The following FBN2 variants were observed in gnomAD, a reference collection of about 807,000 sequenced individuals.
FBN2 encodes the protein fibrillin 2.
A neutral mutation model predicts 355.6 loss-of-function variants in FBN2; 105 were observed. That is an observed-to-expected ratio of 0.30 (90% CI 0.25 to 0.35). FBN2 has a LOEUF of 0.35. Among genes scored for constraint, FBN2 ranks in the 10% least tolerant of loss-of-function variants. The pLI, the probability that FBN2 is intolerant of heterozygous loss-of-function variation, is 1.00. For missense variants in FBN2, 3,280 were observed against 3,758.7 expected (o/e 0.87, Z 3.33); for synonymous variants, 1,350 against 1,301.2 (o/e 1.04, Z -0.81).
chr5:128,381,665 C>T (rs1001985283), intron 11 of FBN2, among the ~76,000 whole-genome samples: 1 of 152,082 alleles, frequency 6.6e-6, no homozygotes, highest in Non-Finnish European at 1.5e-5. Flanking sequence ...CTATGAATTA[C>T]AGTAGTCAGA....
At chr5:128,417,128 T>A (rs1426548590) in intron 7 of FBN2, among the ~76,000 whole-genome samples, 1 of 152,148 alleles carries the variant, frequency 6.6e-6, no homozygotes, top group African/African-American at 2.4e-5. Flanking sequence ...GTAAATAGAA[T>A]TGCCTTTTGA....
intron 6 of FBN2, among the ~76,000 whole-genome samples, chr5:128,447,752 T>C (rs1225383044): frequency 6.6e-6 from 1 of 152,208 alleles, no homozygotes; most frequent in Non-Finnish European, 1.5e-5. Flanking sequence ...GTTTTGCGGC[T>C]TGTGGGGCAT....
chr5:128,366,554 A>C, intron 16 of FBN2, 124 bp from the exon 17 acceptor site: 2 of 555,400 alleles, frequency 3.6e-6, no homozygotes, highest in Non-Finnish European at 6.5e-6. Flanking sequence ...TTAAAGTGAA[A>C]AAAATTACCA....
rs148917019 is a variant in FBN2, at chr5:128,483,379, C to T, written c.629-18458G>A. Among the ~76,000 whole-genome samples, 265 of 152,238 alleles carry T rather than the reference C, an allele frequency of 1.7e-3. 2 individuals are homozygous for T. Among genetic ancestry groups the T allele is most frequent in the East Asian group, 0.015 (78 of 5,176 alleles). Reference sequence around the variant, plus strand: ...TGAACAAGGAATTAGATGGGCCACACTGATTTAGGGTTGATATGAATAAAA... The same window carrying T: ...TGAACAAGGAATTAGATGGGCCACATTGATTTAGGGTTGATATGAATAAAA... On this transcript the variant is annotated intron_variant, in intron 5 of 64. Transcript: ENST00000262464.
intron 5 of FBN2, among the ~76,000 whole-genome samples, chr5:128,478,726 C>T (rs1223966633): frequency 1.3e-5 from 2 of 152,118 alleles, no homozygotes; most frequent in South Asian, 2.1e-4. Context: ...ATCAGTTCTA[C>T]AGAACACTAG....
chr5:128,448,596 G>A (rs1405412142), intron 6 of FBN2, among the ~76,000 whole-genome samples: 2 of 152,088 alleles, frequency 1.3e-5, no homozygotes, highest in African/African-American at 2.4e-5. Flanking sequence ...CATGAGCCAT[G>A]AGCCACCGTG....
intron 5 of FBN2, among the ~76,000 whole-genome samples, chr5:128,466,875 T>C (rs1754727712): frequency 6.6e-6 from 1 of 152,220 alleles, no homozygotes; most frequent in Non-Finnish European, 1.5e-5. Context: ...TTTTAAAATC[T>C]ATCCTATTGT....
chr5:128,427,391 A>G (rs935889993), intron 7 of FBN2, among the ~76,000 whole-genome samples: 5 of 152,090 alleles, frequency 3.3e-5, no homozygotes, highest in African/African-American at 1.2e-4. Flanking sequence ...TTACCATTAT[A>G]TCCCTGAGTT....
chr5:128,343,591 C>T (rs1751088387), intron 25 of FBN2, among the ~76,000 whole-genome samples: 1 of 152,160 alleles, frequency 6.6e-6, no homozygotes, highest in Non-Finnish European at 1.5e-5. Flanking sequence ...TCTGGAACAA[C>T]ATGGTATACT....
intron 5 of FBN2, among the ~76,000 whole-genome samples, chr5:128,499,188 G>T (rs1242733727): frequency 6.6e-6 from 1 of 152,070 alleles, no homozygotes; most frequent in Non-Finnish European, 1.5e-5. Flanking sequence ...TCTGGTAACA[G>T]AATTTTAAGA....
At chr5:128,535,483 T>G (rs1298607676) in intron 2 of FBN2, among the ~76,000 whole-genome samples, 1 of 152,206 alleles carries the variant, frequency 6.6e-6, no homozygotes, top group Admixed American at 6.5e-5. Flanking sequence ...ATGAATGTGC[T>G]GTCTATGATA....
At chr5:128,515,924 G>A (rs1240897299) in intron 5 of FBN2, among the ~76,000 whole-genome samples, 1 of 152,138 alleles carries the variant, frequency 6.6e-6, no homozygotes, top group African/African-American at 2.4e-5. Context: ...AGTAATTTAT[G>A]TATTACTTAA....
intron 6 of FBN2, among the ~76,000 whole-genome samples, chr5:128,453,548 A>G (rs1167902934): frequency 6.6e-6 from 1 of 152,222 alleles, no homozygotes; most frequent in African/African-American, 2.4e-5. Context: ...CCTTGAGATA[A>G]GAGAGAAGTA....
chr5:128,354,668 T>G (rs1751456445), intron 20 of FBN2, among the ~76,000 whole-genome samples: 1 of 152,174 alleles, frequency 6.6e-6, no homozygotes, highest in African/African-American at 2.4e-5. Context: ...ATCAATAGGT[T>G]TGCTGATGAC....
chr5:128,361,970 T>C, intron 18 of FBN2, 122 bp from the exon 19 acceptor site: 1 of 997,278 alleles, frequency 1.0e-6, no homozygotes, highest in Admixed American at 1.7e-5. Context: ...ATAGTCTCTG[T>C]ATCACAGCGC....
At chr5:128,468,867 A>G (rs927846437) in intron 5 of FBN2, among the ~76,000 whole-genome samples, 33 of 152,368 alleles carry the variant, frequency 2.2e-4, no homozygotes, top group African/African-American at 7.5e-4. Context: ...AAAAAATAAA[A>G]TGCCCTTTTC....
chr5:128,310,313 T>C (rs1451831445), intron 39 of FBN2, among the ~76,000 whole-genome samples: 1 of 146,240 alleles, frequency 6.8e-6, no homozygotes, highest in Non-Finnish European at 1.5e-5. Context: ...TTAAAAAATA[T>C]AAAGCATCAA....
At chr5:128,413,103 G>A (rs1480541143) in intron 7 of FBN2, among the ~76,000 whole-genome samples, 1 of 152,176 alleles carries the variant, frequency 6.6e-6, no homozygotes, top group South Asian at 2.1e-4. Flanking sequence ...ATGTTTGAGA[G>A]AAACCAGTAA....
intron 39 of FBN2, among the ~76,000 whole-genome samples, chr5:128,310,431 C>T (rs1263873190): frequency 9.7e-5 from 12 of 123,452 alleles, no homozygotes; most frequent in Non-Finnish European, 1.6e-4. Flanking sequence ...TATTGCAATT[C>T]GCATTCTTCA....
Sources: allele counts gnomAD v4.1 joint callset (sites outside exome capture counted in the v4.1 genomes callset), GRCh38; gene constraint gnomAD v4.1.1; transcripts MANE v1.5; gene names NCBI Gene and HGNC (gene_info 2026-07-23, HGNC 2026-07-21).